The following ACACB variants were observed in gnomAD, a reference collection of about 807,000 sequenced individuals.
The protein encoded by ACACB is acetyl-CoA carboxylase beta, also known as acetyl-CoA carboxylase 2.
Under a neutral mutation model 278.8 loss-of-function variants are expected in ACACB, and 209 were observed. The observed-to-expected ratio is 0.75, with a 90% CI of 0.67 to 0.84. The LOEUF (loss-of-function observed/expected upper bound fraction) is 0.84. Among genes scored for constraint, ACACB ranks in the 40% least tolerant of loss-of-function variants. ACACB has a pLI of 0.00. For synonymous variants in ACACB, 1,174 were observed against 1,285.6 expected (o/e 0.91, Z 1.86); for missense variants, 2,850 against 3,269.0 (o/e 0.87, Z 3.13).
At chr12:109,242,632 C>T (rs1372206689) in intron 37 of ACACB, 40 bp downstream of exon 37, 1 of 1,605,690 alleles carries the variant, frequency 6.2e-7, no homozygotes, top group Non-Finnish European at 8.5e-7. Flanking sequence ...CCTGGGTCCT[C>T]CCAGCAGACT....
chr12:109,111,469 T>C, the ACACB span: 5 of 151,998 alleles, frequency 3.3e-5, no homozygotes, highest in Non-Finnish European at 7.4e-5. Flanking sequence ...CAGCCCAGGC[T>C]CAGGTAGTGG....
intron 36 of ACACB, chr12:109,241,698 A>G: frequency 4.6e-6 from 1 of 215,160 alleles, no homozygotes; most frequent in Non-Finnish European, 9.5e-6. Flanking sequence ...ACTGTAATGC[A>G]GTCCTCAGAT....
chr12:109,258,203 C>A, intron 45 of ACACB, 65 bp from the exon 46 acceptor site: 7 of 1,278,802 alleles, frequency 5.5e-6, no homozygotes, highest in Non-Finnish European at 7.8e-6. Context: ...ACCCCCACAC[C>A]CAGAGGTCCC....
At chr12:109,239,702 C>A in intron 34 of ACACB, 128 bp from the exon 35 acceptor site, 1 of 1,143,936 alleles carries the variant, frequency 8.7e-7, no homozygotes, top group Non-Finnish European at 1.2e-6. Flanking sequence ...CTGTTCTTGC[C>A]TGGCACACTT....
At chr12:109,232,884 C>A in intron 29 of ACACB, 78 bp downstream of exon 29, 1 of 1,563,964 alleles carries the variant, frequency 6.4e-7, no homozygotes, top group South Asian at 1.2e-5. Flanking sequence ...CCCCAATTCA[C>A]TGGACAGATG....
chr12:109,148,527 A>G (rs577551314), intron 2 of ACACB, among the ~76,000 whole-genome samples: 1 of 152,262 alleles, frequency 6.6e-6, no homozygotes, highest in South Asian at 2.1e-4. Context: ...TTAGTGGTGA[A>G]CTCATTTGGC....
intron 44 of ACACB, 131 bp from the exon 45 acceptor site, chr12:109,256,009 G>T (rs1259139899): frequency 3.2e-6 from 2 of 631,962 alleles, no homozygotes; most frequent in African/African-American, 3.7e-5. Context: ...GTGGTTTTAG[G>T]TAGAAAGGGG....
intron 15 of ACACB, among the ~76,000 whole-genome samples, chr12:109,192,430 C>T (rs1354904828): frequency 6.6e-6 from 1 of 151,050 alleles, no homozygotes; most frequent in African/African-American, 2.4e-5. Flanking sequence ...GTGCTGGATG[C>T]TTTTTTTTTG....
chr12:109,175,483 A>G (rs2044254447), intron 7 of ACACB, among the ~76,000 whole-genome samples: 1 of 152,096 alleles, frequency 6.6e-6, no homozygotes, highest in South Asian at 2.1e-4. Flanking sequence ...TGGCATGATC[A>G]TAGCTCACAG....
At chr12:109,200,072 C>T (rs538006258) in intron 18 of ACACB, among the ~76,000 whole-genome samples, 36 of 151,958 alleles carry the variant, frequency 2.4e-4, no homozygotes, top group African/African-American at 8.2e-4. Flanking sequence ...CACATCTCCC[C>T]AGGAATGAGT....
chr12:109,122,572 C>CAAAAAAA (rs59516728), intron 1 of ACACB, among the ~76,000 whole-genome samples: 1 of 61,836 alleles, frequency 1.6e-5, no homozygotes, highest in African/African-American at 5.8e-5. Context: ...GACATTGTCT[C>CAAAAAAA]AAAAAAAAAA....
At position 109,122,334 on chromosome 12, in the gene ACACB, G is replaced by C. The variant is rs145858015; in HGVS notation, c.-10+5630G>C. 4.6e-3 allele frequency among the ~76,000 whole-genome samples: 703 copies of C among 152,314 alleles called. 8 individuals are homozygous for C. The highest frequency in any genetic ancestry group is 0.016 in the African/African-American group (649 of 41,578). ...ATTATAAAATGCTTCATATAGGCCAGGTATGGTGGTTCATGCCTGTAATCC... is the reference window on the plus strand; with the variant it reads ...ATTATAAAATGCTTCATATAGGCCACGTATGGTGGTTCATGCCTGTAATCC... On this transcript the variant is annotated intron_variant, in intron 1 of 52. Transcript: ENST00000338432.
At chr12:109,206,533 T>C (rs371389532) in intron 19 of ACACB, among the ~76,000 whole-genome samples, 177 bp from the exon 20 acceptor site, 69 of 151,932 alleles carry the variant, frequency 4.5e-4, no homozygotes, top group African/African-American at 1.0e-3. Flanking sequence ...AAAACCCACA[T>C]TGGGGTGTGA....
chr12:109,158,509 T>G (rs2043616271), intron 2 of ACACB, among the ~76,000 whole-genome samples: 1 of 152,118 alleles, frequency 6.6e-6, no homozygotes, highest in Admixed American at 6.6e-5. Context: ...AAACCCCGTC[T>G]CTACAAAAAT....
rs575445770 is a variant in ACACB, at chr12:109,172,277, G to T, written c.1038G>T (p.Ala346=). 1.2e-6 allele frequency: 2 copies of T among 1,613,768 alleles called. No homozygotes were observed. Among genetic ancestry groups the T allele is most frequent in the Admixed American group, 1.7e-5 (1 of 59,990 alleles). The change falls in exon 6 of 53, where the codon GCG becomes GCT. Residue 346 remains alanine (A), a splice_region_variant and synonymous_variant. Transcript: ENST00000338432. ...CTCACCCCTTTCTGTGTTTGCAGGC[G>T]GTGTGGGCTGGCTGGGGCCATGCTT... ...VDIAKRIPVQ[A]VWAGWGHASE... is the part of the protein sequence containing the mutation.
In ACACB at chr12:109,241,062, C is replaced by G. The variant is rs772381276; in HGVS notation, c.4819-16C>G. ...TGTCTTGGCCCTGAAACTGGAATTG[C>G]TGTGTTTTGGGGCAGATCGAGGAGT... On this transcript the variant is annotated splice_polypyrimidine_tract_variant and intron_variant, in intron 35 of 52. Transcript: ENST00000338432. 2 of 1,610,450 alleles carry G rather than the reference C, an allele frequency of 1.2e-6. No homozygotes were observed. Among genetic ancestry groups the G allele is most frequent in the South Asian group, 2.2e-5 (2 of 91,030 alleles).
chr12:109,137,596 G>A (rs2042998827), intron 1 of ACACB, among the ~76,000 whole-genome samples: 1 of 151,672 alleles, frequency 6.6e-6, no homozygotes, highest in Admixed American at 6.6e-5. Context: ...GGAGGCAGAG[G>A]TTGCAGTGAG....
chr12:109,200,135 A>G (rs2045286602), intron 18 of ACACB, among the ~76,000 whole-genome samples: 1 of 152,014 alleles, frequency 6.6e-6, no homozygotes, highest in South Asian at 2.1e-4. Context: ...AACTCTCTGT[A>G]CTATTTACAT....
At chr12:109,187,755 T>C (rs1223709254) in intron 12 of ACACB, among the ~76,000 whole-genome samples, 1 of 152,092 alleles carries the variant, frequency 6.6e-6, no homozygotes, top group Non-Finnish European at 1.5e-5. Context: ...CCACTGCGAC[T>C]GAACCAACTT....
Sources: gnomAD v4.1 joint callset for allele counts (sites outside exome capture counted in the v4.1 genomes callset) on GRCh38, gnomAD v4.1.1 for gene constraint, MANE v1.5 for transcripts, NCBI Gene and HGNC (gene_info 2026-07-23, HGNC 2026-07-21) for gene names.